WNT7B: variants seen among roughly 807,000 people sequenced by gnomAD.
WNT7B encodes Wnt family member 7B.
A neutral mutation model predicts 38.2 loss-of-function variants in WNT7B; 19 were observed. That is an observed-to-expected ratio of 0.50 (90% CI 0.35 to 0.73). The LOEUF is 0.73. Among genes scored for constraint, WNT7B ranks in the 30% least tolerant of loss-of-function variants. The probability of loss-of-function intolerance (pLI) is 0.01; values close to 1 mark genes in which losing one functional copy is unlikely to be tolerated. For synonymous variants in WNT7B, 243 were observed against 209.3 expected, an observed-to-expected ratio of 1.16 and a Z score of -1.39; for missense variants, 423 against 507.9, an observed-to-expected ratio of 0.83 and a Z score of 1.61.
At position 45,976,275 on chromosome 22, in the gene WNT7B, G is replaced by A. The variant is rs1932549040; in HGVS notation, c.71+409C>T. Among the ~76,000 whole-genome samples, 4 of 147,366 alleles carry A rather than the reference G, an allele frequency of 2.7e-5. No individual in the cohort carries two copies. In the South Asian group the frequency reaches 8.3e-4, roughly 31 times the overall value. On this transcript the variant is annotated intron_variant, in intron 1 of 3. Coordinates refer to ENST00000339464, the MANE Select transcript of WNT7B (RefSeq NM_058238.3). This position sits in a 1 kb window ranked among gnomAD's most constrained non-coding sequence, Gnocchi z 8.5. ...TCCCGGGCCTCCGCAGGCGCCGGAC[G>A]CCCCCCGACCCCGCCCCGGCGCACC...
chr22:45,938,406 G>T (rs1931564151), intron 2 of WNT7B, among the ~76,000 whole-genome samples: 1 of 152,096 alleles, frequency 6.6e-6, no homozygotes, highest in Admixed American at 6.5e-5. Flanking sequence ...GGAGGTCGAG[G>T]CGGGTGGATC....
chr22:45,923,691 C>G (rs1186690485), intron 3 of WNT7B, among the ~76,000 whole-genome samples: 1 of 152,154 alleles, frequency 6.6e-6, no homozygotes, highest in Non-Finnish European at 1.5e-5. Context: ...GCTGTGGGAC[C>G]TGCTGCAGGT....
chr22:45,953,839 T>C (rs1389699473), intron 1 of WNT7B, among the ~76,000 whole-genome samples: 1 of 152,184 alleles, frequency 6.6e-6, no homozygotes, highest in East Asian at 1.9e-4. Context: ...GTATAGCCAC[T>C]GTAGACAATG....
At chr22:45,961,365 C>CGGGAGGGGCCTTACACCTGTGG (rs1458892155) in intron 1 of WNT7B, among the ~76,000 whole-genome samples, 1 of 152,172 alleles carries the variant, frequency 6.6e-6, no homozygotes, top group East Asian at 1.9e-4. Flanking sequence ...AGGGGAGGCC[C>CGGGAGGGGCCTTACACCTGTGG]GGGAGGGGCC....
In WNT7B at chr22:45,951,450, A is replaced by G. The variant is rs536528759; in HGVS notation, c.72-1304T>C. Among the ~76,000 whole-genome samples, 76 of 152,172 alleles carry G rather than the reference A, an allele frequency of 5.0e-4. No homozygotes were observed. The highest frequency in any genetic ancestry group is 9.0e-4 in the Non-Finnish European group (61 of 68,008). The stretch of plus-strand genomic sequence containing the variant: ...ATTTTGAAGTGTACAGTTCTGTGGC[A>G]TTTAATACATTCGGTGTTGTGCAAC... On this transcript the variant is annotated intron_variant, in intron 1 of 3. Transcript: ENST00000339464. This position sits in a 1 kb window ranked among gnomAD's most constrained non-coding sequence, Gnocchi z 4.8.
intron 2 of WNT7B, among the ~76,000 whole-genome samples, chr22:45,932,286 C>T (rs1009313733): frequency 6.6e-6 from 1 of 152,230 alleles, no homozygotes; most frequent in African/African-American, 2.4e-5. Context: ...CTCAGTCCTT[C>T]CAGGCGCTGC....
At chr22:45,970,225 T>C (rs1932403522) in intron 1 of WNT7B, among the ~76,000 whole-genome samples, 1 of 152,198 alleles carries the variant, frequency 6.6e-6, no homozygotes, top group African/African-American at 2.4e-5. Context: ...AAGTCAGGGA[T>C]GCAGTCTGCC....
At chr22:45,939,331 G>C (rs955093100) in intron 2 of WNT7B, among the ~76,000 whole-genome samples, 5 of 152,168 alleles carry the variant, frequency 3.3e-5, no homozygotes, top group African/African-American at 1.2e-4. Flanking sequence ...CTTATATATT[G>C]TGCAGAAGTA....
intron 1 of WNT7B, among the ~76,000 whole-genome samples, chr22:45,974,764 C>T (rs1043848618): frequency 1.2e-4 from 18 of 151,976 alleles, no homozygotes; most frequent in Non-Finnish European, 2.4e-4. Context: ...CTGGGCTACA[C>T]GGAGGCCCGG....
In WNT7B at chr22:45,951,842, C is replaced by T. The variant is rs957174520; in HGVS notation, c.72-1696G>A. On this transcript the variant is annotated intron_variant, in intron 1 of 3. Coordinates refer to ENST00000339464, the MANE Select transcript of WNT7B (RefSeq NM_058238.3). The surrounding 1 kb of genome is among the most constrained non-coding windows in gnomAD (Gnocchi z 4.8). ...CTACTGTGAGTGATGCCGCCATGAA[C>T]GTGCGGGTAAGGTTTCTGTTTGAGC... 8.5e-5 allele frequency among the ~76,000 whole-genome samples: 13 copies of T among 152,186 alleles called. No individual in the cohort carries two copies. Among genetic ancestry groups the T allele is most frequent in the African/African-American group, 3.1e-4 (13 of 41,438 alleles).
At chr22:45,926,010 G>A in intron 3 of WNT7B, 1 of 985,384 alleles carries the variant, frequency 1.0e-6, no homozygotes, top group Non-Finnish European at 1.2e-6. Context: ...CTTCATCAAG[G>A]CCAGGGAACC....
intron 3 of WNT7B, chr22:45,927,460 C>A (rs1487807996): frequency 7.1e-6 from 11 of 1,549,324 alleles, no homozygotes; most frequent in Admixed American, 2.0e-5. Flanking sequence ...AGCAACCCCC[C>A]AAATTCATGT....
At chr22:45,930,026 G>T (rs1437444552) in intron 3 of WNT7B, among the ~76,000 whole-genome samples, 1 of 147,620 alleles carries the variant, frequency 6.8e-6, no homozygotes, top group Non-Finnish European at 1.5e-5. Context: ...ATCTACAAGA[G>T]AAAGTCAAAC....
intron 3 of WNT7B, chr22:45,926,728 C>T (rs1931096367): frequency 1.0e-6 from 1 of 985,300 alleles, no homozygotes; most frequent in Non-Finnish European, 1.2e-6. Context: ...CCTGTGAGCC[C>T]CTCAGGGACA....
Position 45,951,779 on chromosome 22 carries a change from A to G in WNT7B, c.72-1633T>C, listed in dbSNP as rs1179625905. 6.6e-6 allele frequency among the ~76,000 whole-genome samples: 1 copy of G among 152,218 alleles called. No individual in the cohort carries two copies. The highest frequency in any genetic ancestry group is 1.5e-5 in the Non-Finnish European group (1 of 68,046). On this transcript the variant is annotated intron_variant, in intron 1 of 3. Transcript: ENST00000339464. The surrounding 1 kb of genome is among the most constrained non-coding windows in gnomAD (Gnocchi z 4.8). The stretch of plus-strand genomic sequence containing the variant: ...TGGACAGACCATATTTTGTGTATCC[A>G]TTCATGGCTGGGCATTTCGGCTGCT...
At chr22:45,923,463 G>T in intron 3 of WNT7B, 128 bp from the exon 4 acceptor site, 1 of 1,359,036 alleles carries the variant, frequency 7.4e-7, no homozygotes, top group Non-Finnish European at 9.8e-7. Context: ...CCACAGGTGA[G>T]TGTCTCTCCC....
At position 45,936,178 on chromosome 22, in the gene WNT7B, T is replaced by A. The variant is rs145263386; in HGVS notation, c.299-4809A>T. 3.1e-4 allele frequency: 303 copies of A among 985,368 alleles called. 1 individual carries two copies. The African/African-American group carries it at 5.1e-3, about 17-fold the overall frequency. The allele number at this position is 985,368 out of a possible 1,614,324, so 61.0% of individuals were successfully genotyped here. ...GATTCACTGTTTCCAGTGCAGGCTA[T>A]CTCTGGTGCCTCGGCAAGTTACCAG... On this transcript the variant is annotated intron_variant, in intron 2 of 3. Coordinates refer to ENST00000339464, the MANE Select transcript of WNT7B (RefSeq NM_058238.3).
chr22:45,929,618 A>G (rs571761402), intron 3 of WNT7B, among the ~76,000 whole-genome samples: 2 of 142,272 alleles, frequency 1.4e-5, no homozygotes, highest in African/African-American at 2.7e-5. Context: ...CTGCCCATAC[A>G]CCCATCCTTC....
intron 1 of WNT7B, among the ~76,000 whole-genome samples, chr22:45,962,816 G>A (rs1297150172): frequency 6.6e-6 from 1 of 152,260 alleles, no homozygotes; most frequent in Non-Finnish European, 1.5e-5. Flanking sequence ...CGCCTTGCAG[G>A]CCTGGGTGAC....
Sources: allele counts gnomAD v4.1 joint callset (sites outside exome capture counted in the v4.1 genomes callset), GRCh38; gene constraint gnomAD v4.1.1; non-coding constraint Gnocchi (gnomAD v3.1); transcripts MANE v1.5; gene names NCBI Gene and HGNC (gene_info 2026-07-23, HGNC 2026-07-21).